ZNF471: variants seen among roughly 807,000 people sequenced by gnomAD.
ZNF471 encodes EZFIT-related protein 1.
In ZNF471, 7 loss-of-function variants were observed where a neutral mutation model predicts 13.7. The ratio of observed to expected loss-of-function variants is 0.51; its 90% confidence interval spans 0.29 to 0.96. The LOEUF is 0.96. ZNF471 is among the 40% of genes least tolerant of loss of function. ZNF471 has a pLI of 0.08. For synonymous variants in ZNF471, 218 were observed against 235.6 expected (o/e 0.93, Z 0.68); for missense variants, 663 against 743.3 (o/e 0.89, Z 1.26).
Position 56,525,765 on chromosome 19 carries a change from TG to T in ZNF471, c.1700del (p.Gly567GlufsTer48), listed in dbSNP as rs775791019. ...TTACTCAACATCAAAGAATTCATAC[TG>T]GAGAGAAACCCTATAAATGTACTGA... ...NLTQHQRIHT[G>X]EKPYKCTECG... On this transcript the variant is annotated frameshift_variant, in exon 5 of 5. Coordinates refer to ENST00000308031, the MANE Select transcript of ZNF471 (RefSeq NM_020813.4). LOFTEE classifies it low-confidence loss of function (END_TRUNC). The T allele has an allele frequency of 6.2e-7, 1 of 1,613,884 alleles. No individual in the cohort carries two copies. Among genetic ancestry groups the T allele is most frequent in the Non-Finnish European group, 8.5e-7 (1 of 1,179,830 alleles).
Position 56,516,548 on chromosome 19 carries a change from C to T in ZNF471, c.160+147C>T, listed in dbSNP as rs2043891296. The T allele has an allele frequency of 1.4e-6, 1 of 720,248 alleles. No homozygotes were observed. Among genetic ancestry groups the T allele is most frequent in the Non-Finnish European group, 2.2e-6 (1 of 461,606 alleles). The allele number at this position is 720,248 out of a possible 1,614,324, so 44.6% of individuals were successfully genotyped here. ...GAGGATATTGAGGGACTGAAGAAAA[C>T]TTGAGATTTAGAGTTAGTGAATTTG... On this transcript the variant is annotated intron_variant, in intron 3 of 4. Transcript: ENST00000308031. The surrounding 1 kb of genome is among the most constrained non-coding windows in gnomAD (Gnocchi z 4.4).
chr19:56,521,564 G>T (rs912305618), intron 4 of ZNF471, among the ~76,000 whole-genome samples: 1 of 150,080 alleles, frequency 6.7e-6, no homozygotes, highest in Non-Finnish European at 1.5e-5. Context: ...GCATGAACCC[G>T]GGAGGCAGAA....
In ZNF471 at chr19:56,525,065, T is replaced by A. The variant is rs116171807; in HGVS notation, c.998T>A (p.Phe333Tyr). Residue 333 changes from phenylalanine to tyrosine, a missense_variant, in exon 5 of 5, where the codon TTT (phenylalanine) becomes TAT (tyrosine). Coordinates refer to ENST00000308031, the MANE Select transcript of ZNF471 (RefSeq NM_020813.4). ...AAAGCCTTCAGTGATGGCTCGTCTT[T>A]TGCTCGACATCAGAGATGTCACACT... ...CGKAFSDGSS[F>Y]ARHQRCHTGK... 4 of 1,613,698 alleles carry A rather than the reference T, an allele frequency of 2.5e-6. No individual in the cohort carries two copies. Among genetic ancestry groups the A allele is most frequent in the Non-Finnish European group, 3.4e-6 (4 of 1,179,906 alleles).
At position 56,529,021 on chromosome 19, in the gene ZNF471, C is replaced by G. The variant is rs1393143881; in HGVS notation, c.*3073C>G. Reference sequence around the variant, plus strand: ...AGAAATGAAATTATAGGTGAGTTTACTTAGTTATATACAAAAGGAAATTAT... The same window carrying G: ...AGAAATGAAATTATAGGTGAGTTTAGTTAGTTATATACAAAAGGAAATTAT... On this transcript the variant is annotated 3_prime_UTR_variant, in exon 5 of 5. Coordinates refer to ENST00000308031, the MANE Select transcript of ZNF471 (RefSeq NM_020813.4). 5.9e-5 allele frequency: 9 copies of G among 152,204 alleles called. No homozygotes were observed. Among genetic ancestry groups the G allele is most frequent in the African/African-American group, 2.2e-4 (9 of 41,554 alleles). The allele number at this position is 152,204 out of a possible 1,614,324, so 9.4% of individuals were successfully genotyped here. A position where few individuals can be genotyped will look rare whatever the true frequency, so the allele number is the denominator to read the frequency against.
In ZNF471 at chr19:56,516,510, A is replaced by C; in HGVS notation, c.160+109A>C. On this transcript the variant is annotated intron_variant, in intron 3 of 4. Coordinates refer to ENST00000308031, the MANE Select transcript of ZNF471 (RefSeq NM_020813.4). This position sits in a 1 kb window ranked among gnomAD's most constrained non-coding sequence, Gnocchi z 4.4. ...AGGTCAGAATGGAATTTGGGAATGG[A>C]ATCTGAGAAACAGAGGATATTGAGG... 2 of 1,018,974 alleles carry C rather than the reference A, an allele frequency of 2.0e-6. No individual in the cohort carries two copies. The highest frequency in any genetic ancestry group is 2.8e-6 in the Non-Finnish European group (2 of 710,124). The allele number at this position is 1,018,974 out of a possible 1,614,324, so 63.1% of individuals were successfully genotyped here. A position where few individuals can be genotyped will look rare whatever the true frequency, so the allele number is the denominator to read the frequency against.
intron 1 of ZNF471, chr19:56,511,095 GTTT>G: frequency 9.4e-6 from 7 of 743,276 alleles, no homozygotes; most frequent in Non-Finnish European, 1.1e-5. Flanking sequence ...TTTTTCTTTT[GTTT>G]TTTTTTTTTT....
Position 56,526,111 on chromosome 19 carries a change from C to A in ZNF471, c.*163C>A. 1 of 639,498 alleles carries A rather than the reference C, an allele frequency of 1.6e-6. No individual in the cohort carries two copies. Among genetic ancestry groups the A allele is most frequent in the Non-Finnish European group, 2.5e-6 (1 of 395,538 alleles). The allele number at this position is 639,498 out of a possible 1,614,324, so 39.6% of individuals were successfully genotyped here. A position where few individuals can be genotyped will look rare whatever the true frequency, so the allele number is the denominator to read the frequency against. The stretch of plus-strand genomic sequence containing the variant: ...ATAGGAACAGCTCTGATCTGCAGTT[C>A]CCAGTGAGATCAACGCAGAAGGTGG... On this transcript the variant is annotated 3_prime_UTR_variant, in exon 5 of 5. Transcript: ENST00000308031.
At chr19:56,519,446 T>C (rs1359792543) in intron 4 of ZNF471, among the ~76,000 whole-genome samples, 1 of 152,176 alleles carries the variant, frequency 6.6e-6, no homozygotes, top group Non-Finnish European at 1.5e-5. Flanking sequence ...CCTTATGTGA[T>C]GAACATTTCC....
intron 4 of ZNF471, among the ~76,000 whole-genome samples, chr19:56,520,697 G>T (rs1053359662): frequency 6.6e-6 from 1 of 152,170 alleles, no homozygotes; most frequent in Non-Finnish European, 1.5e-5. Context: ...CCCTTCCACT[G>T]TGTGAGGAAA....
chr19:56,521,662 C>G (rs2043975826), intron 4 of ZNF471, among the ~76,000 whole-genome samples: 1 of 139,054 alleles, frequency 7.2e-6, no homozygotes, highest in African/African-American at 2.7e-5. Context: ...AAAAAAAACT[C>G]TTCTATTGCT....
At chr19:56,518,907 C>A (rs1182420629) in intron 4 of ZNF471, among the ~76,000 whole-genome samples, 1 of 152,138 alleles carries the variant, frequency 6.6e-6, no homozygotes, top group Non-Finnish European at 1.5e-5. Flanking sequence ...TTTCTTAAAT[C>A]TTTTCTTAAC....
At chr19:56,513,588 T>C (rs1178578432) in intron 2 of ZNF471, among the ~76,000 whole-genome samples, 4 of 152,142 alleles carry the variant, frequency 2.6e-5, no homozygotes, top group African/African-American at 9.7e-5. Flanking sequence ...TTCTATTTAA[T>C]TGTTTTATGT....
chr19:56,514,343 T>C (rs1428174633), intron 2 of ZNF471, among the ~76,000 whole-genome samples: 1 of 152,176 alleles, frequency 6.6e-6, no homozygotes, highest in Non-Finnish European at 1.5e-5. Flanking sequence ...CCCAAAGTGC[T>C]GGGATTATAA....
Position 56,525,815 on chromosome 19 carries a change from G to C in ZNF471, c.1748G>C (p.Ser583Thr), listed in dbSNP as rs374763382. The change falls in exon 5 of 5, where the codon AGC becomes ACC. Residue 583 changes from serine (S) to threonine (T), a missense_variant. Coordinates refer to ENST00000308031, the MANE Select transcript of ZNF471 (RefSeq NM_020813.4). The part of the protein sequence containing the change: ...CTECGKAFSD[S>T]SSCAQHQRLH... ...GAATGTGGAAAGGCTTTTAGTGATA[G>C]CTCATCCTGTGCTCAGCATCAAAGA... 2.5e-6 allele frequency: 4 copies of C among 1,614,028 alleles called. No homozygotes were observed. In the African/African-American group the frequency reaches 5.3e-5, roughly 22 times the overall value.
At position 56,525,584 on chromosome 19, in the gene ZNF471, AGAGAATTCATACTG is replaced by A. The variant is rs745988727; in HGVS notation, c.1522_1535del (p.Ile508GlufsTer4). ...ATCAGTTCACAGCTGGCTACTCATC[AGAGAATTCATACTG>A]GAGAGAAGCCTTATGAATGTATTGA... On this transcript the variant is annotated frameshift_variant, in exon 5 of 5. Coordinates refer to ENST00000308031, the MANE Select transcript of ZNF471 (RefSeq NM_020813.4). LOFTEE classifies it low-confidence loss of function (END_TRUNC). 96 of 1,613,910 alleles carry A rather than the reference AGAGAATTCATACTG, an allele frequency of 5.9e-5. No homozygotes were observed. The highest frequency in any genetic ancestry group is 7.9e-5 in the Non-Finnish European group (93 of 1,179,992).
Position 56,508,037 on chromosome 19 carries a change from G to A in ZNF471, c.-56+117G>A. The A allele has an allele frequency of 1.0e-5, 10 of 985,678 alleles. No homozygotes were observed. The highest frequency in any genetic ancestry group is 1.2e-5 in the Non-Finnish European group (10 of 830,062). The allele number at this position is 985,678 out of a possible 1,614,324, so 61.1% of individuals were successfully genotyped here. Reference sequence around the variant, plus strand: ...CAGCCGCGTCCTCTGTCCCCAGGACGACTACATTTCCCAGAGGCCAGCGGG... The same window carrying A: ...CAGCCGCGTCCTCTGTCCCCAGGACAACTACATTTCCCAGAGGCCAGCGGG... On this transcript the variant is annotated intron_variant, in intron 1 of 4. Coordinates refer to ENST00000308031, the MANE Select transcript of ZNF471 (RefSeq NM_020813.4). The surrounding 1 kb of genome is among the most constrained non-coding windows in gnomAD (Gnocchi z 4.7).
rs1432126240 is a variant in ZNF471 at position 56,524,263 on chromosome 19, A to T, written c.257-61A>T. 1.7e-6 allele frequency: 2 copies of T among 1,155,312 alleles called. No individual in the cohort carries two copies. The highest frequency in any genetic ancestry group is 1.6e-5 in the African/African-American group (1 of 64,296). The allele number at this position is 1,155,312 out of a possible 1,614,324, so 71.6% of individuals were successfully genotyped here. On this transcript the variant is annotated intron_variant, in intron 4 of 4. Transcript: ENST00000308031. The surrounding 1 kb of genome is among the most constrained non-coding windows in gnomAD (Gnocchi z 4.8). ...ATATTTTTAAATTACCTTTTTCACAATGTCTCCTTTGTTGTAGCCCATGAT... is the reference window on the plus strand; with the variant it reads ...ATATTTTTAAATTACCTTTTTCACATTGTCTCCTTTGTTGTAGCCCATGAT...
rs2044042973 is a variant in ZNF471 at position 56,526,051 on chromosome 19, A to G, written c.*103A>G. Reference sequence around the variant, plus strand: ...AACATATAAATGTAAGAAATGTAGAAAAACCTTCAGCCAGGAGGCTGGCAA... The same window carrying G: ...AACATATAAATGTAAGAAATGTAGAGAAACCTTCAGCCAGGAGGCTGGCAA... On this transcript the variant is annotated 3_prime_UTR_variant, in exon 5 of 5. Transcript: ENST00000308031. 1 of 1,296,614 alleles carries G rather than the reference A, an allele frequency of 7.7e-7. No homozygotes were observed. Among genetic ancestry groups the G allele is most frequent in the Admixed American group, 2.6e-5 (1 of 38,772 alleles). The allele number at this position is 1,296,614 out of a possible 1,614,324, so 80.3% of individuals were successfully genotyped here.
rs777248530 is a variant in ZNF471 at position 56,525,972 on chromosome 19, C to A, written c.*24C>A. 6.6e-6 allele frequency: 10 copies of A among 1,522,364 alleles called. No homozygotes were observed. The highest frequency in any genetic ancestry group is 7.9e-6 in the Non-Finnish European group (9 of 1,137,280). The allele number at this position is 1,522,364 out of a possible 1,614,324, so 94.3% of individuals were successfully genotyped here. On this transcript the variant is annotated 3_prime_UTR_variant, in exon 5 of 5. Transcript: ENST00000308031. ...AAGAATGTAGTGCATGTGGCCAAGC[C>A]TTTAGTTATCACCAATCCCCTACTG...
Sources: gnomAD v4.1 joint callset for allele counts (sites outside exome capture counted in the v4.1 genomes callset) on GRCh38, gnomAD v4.1.1 for gene constraint, Gnocchi (gnomAD v3.1) non-coding constraint, MANE v1.5 for transcripts, NCBI Gene and HGNC (gene_info 2026-07-23, HGNC 2026-07-21) for gene names.